The following GNA14 variants were observed in gnomAD, a reference collection of about 807,000 sequenced individuals.
GNA14 encodes G protein subunit alpha 14, also known as guanine nucleotide-binding protein subunit alpha-14.
GNA14 carries 50 observed loss-of-function variants against 42.0 expected under a neutral mutation model. The ratio of observed to expected loss-of-function variants is 1.19; its 90% CI spans 0.95 to 1.51. The LOEUF is 1.51. GNA14 is among the 40% of genes most tolerant of loss of function. GNA14 has a pLI of 0.00. For synonymous variants in GNA14, 173 were observed against 163.1 expected (o/e 1.06, Z -0.46); for missense variants, 473 against 446.2 (o/e 1.06, Z -0.54).
intron 2 of GNA14, among the ~76,000 whole-genome samples, chr9:77,511,062 A>G (rs1354276223): frequency 5.3e-5 from 8 of 151,954 alleles, no homozygotes; most frequent in Non-Finnish European, 8.8e-5. Flanking sequence ...TCCAAAAAAA[A>G]AAAAAAGTTT....
At chr9:77,484,678 C>A (rs1382308720) in intron 2 of GNA14, among the ~76,000 whole-genome samples, 4 of 152,134 alleles carry the variant, frequency 2.6e-5, no homozygotes, top group African/African-American at 9.6e-5. Flanking sequence ...AGTGGACACC[C>A]AAAACCATGG....
intron 1 of GNA14, among the ~76,000 whole-genome samples, chr9:77,558,804 A>G (rs142689846): frequency 6.6e-6 from 1 of 152,182 alleles, no homozygotes; most frequent in Non-Finnish European, 1.5e-5. Flanking sequence ...TGATTTTCCA[A>G]GAAAGACTGC....
intron 1 of GNA14, among the ~76,000 whole-genome samples, chr9:77,530,440 TGG>T (rs2131769224): frequency 6.6e-6 from 1 of 152,338 alleles, no homozygotes; most frequent in Non-Finnish European, 1.5e-5. Flanking sequence ...GTACAGCTTG[TGG>T]AAACGTGAGC....
intron 2 of GNA14, among the ~76,000 whole-genome samples, chr9:77,483,346 G>A (rs1472924029): frequency 6.6e-6 from 1 of 152,200 alleles, no homozygotes; most frequent in East Asian, 1.9e-4. Context: ...CTGGGCATCA[G>A]GAGCAGTGGC....
At position 77,474,945 on chromosome 9, in the gene GNA14, T is replaced by A. The variant is rs192787045; in HGVS notation, c.310-40423A>T. 3.3e-5 allele frequency among the ~76,000 whole-genome samples: 5 copies of A among 152,038 alleles called. No homozygotes were observed. The East Asian group carries it at 9.7e-4, about 29-fold the overall frequency. On this transcript the variant is annotated intron_variant, in intron 2 of 6. Transcript: ENST00000341700. ...CATTTATATGAAATGTCCAGAATGG[T>A]CAAATTCATAGAGACATAAACCGGA...
chr9:77,645,458 A>T (rs1824337753), intron 1 of GNA14, among the ~76,000 whole-genome samples: 1 of 152,226 alleles, frequency 6.6e-6, no homozygotes, highest in South Asian at 2.1e-4. Context: ...TGGAGTTCTG[A>T]ACGGCTCTGT....
chr9:77,541,736 CTTTT>C (rs141526832), intron 1 of GNA14, among the ~76,000 whole-genome samples: 1 of 151,990 alleles, frequency 6.6e-6, no homozygotes, highest in Middle Eastern at 3.4e-3. Context: ...TTTCTTTTTT[CTTTT>C]TTTCTTTATT....
At chr9:77,455,705 C>A (rs1044488249) in intron 2 of GNA14, among the ~76,000 whole-genome samples, 10 of 152,150 alleles carry the variant, frequency 6.6e-5, no homozygotes, top group African/African-American at 1.9e-4. Flanking sequence ...AGTTAAGAAC[C>A]AAGACCCCTT....
At chr9:77,527,525 C>T (rs985130491) in intron 2 of GNA14, among the ~76,000 whole-genome samples, 33 of 152,248 alleles carry the variant, frequency 2.2e-4, no homozygotes, top group African/African-American at 7.9e-4. Flanking sequence ...CTATTGTTAG[C>T]GTTAGTGTGT....
At chr9:77,565,469 T>C (rs1822952996) in intron 1 of GNA14, among the ~76,000 whole-genome samples, 1 of 152,268 alleles carries the variant, frequency 6.6e-6, no homozygotes, top group East Asian at 1.9e-4. Flanking sequence ...TTTTAAACTT[T>C]ATTTTTGAGA....
intron 1 of GNA14, among the ~76,000 whole-genome samples, chr9:77,620,913 A>T (rs138051775): frequency 2.5e-3 from 381 of 151,252 alleles, no homozygotes; most frequent in African/African-American, 9.0e-3. Context: ...TTTAAATAAA[A>T]TTTTTTAAAA....
chr9:77,485,066 CATTG>C (rs2131731661), intron 2 of GNA14, among the ~76,000 whole-genome samples: 1 of 152,260 alleles, frequency 6.6e-6, no homozygotes, highest in African/African-American at 2.4e-5. Context: ...AAGTTTGCCG[CATTG>C]ATTGACTCTT....
intron 1 of GNA14, among the ~76,000 whole-genome samples, chr9:77,559,370 G>A (rs1450062162): frequency 1.3e-5 from 2 of 152,108 alleles, no homozygotes; most frequent in Non-Finnish European, 2.9e-5. Flanking sequence ...GACAATAAAG[G>A]TGCAAGTGAG....
intron 3 of GNA14, among the ~76,000 whole-genome samples, chr9:77,432,130 G>A (rs951562640): frequency 6.6e-6 from 1 of 151,140 alleles, no homozygotes. Flanking sequence ...AAACTTTAAG[G>A]CCTTTCTAAA....
At chr9:77,504,548 AAGAGAGAG>A (rs10559406) in intron 2 of GNA14, among the ~76,000 whole-genome samples, 22 of 145,094 alleles carry the variant, frequency 1.5e-4, no homozygotes, top group South Asian at 2.2e-4. Flanking sequence ...AAAAAAAAAA[AAGAGAGAG>A]AGAGAGAGAG....
chr9:77,468,416 T>C (rs1330512542), intron 2 of GNA14, among the ~76,000 whole-genome samples: 1 of 152,208 alleles, frequency 6.6e-6, no homozygotes, highest in African/African-American at 2.4e-5. Flanking sequence ...TCTTTCCTTT[T>C]AATCAGACAT....
At chr9:77,479,724 A>G (rs564887478) in intron 2 of GNA14, among the ~76,000 whole-genome samples, 1 of 151,946 alleles carries the variant, frequency 6.6e-6, no homozygotes. Context: ...CTTTTATTTC[A>G]TTGAGCAGTG....
At chr9:77,482,617 G>A (rs890857875) in intron 2 of GNA14, among the ~76,000 whole-genome samples, 3 of 152,112 alleles carry the variant, frequency 2.0e-5, no homozygotes, top group African/African-American at 7.2e-5. Context: ...GCTAGATTGG[G>A]GAAGTTCTCC....
chr9:77,606,967 C>T (rs182859242), intron 1 of GNA14, among the ~76,000 whole-genome samples: 1 of 152,132 alleles, frequency 6.6e-6, no homozygotes, highest in East Asian at 1.9e-4. Context: ...AAAATGCAGG[C>T]AATGCAAGCC....
Sources: allele counts gnomAD v4.1 joint callset (sites outside exome capture counted in the v4.1 genomes callset), GRCh38; gene constraint gnomAD v4.1.1; transcripts MANE v1.5; gene names NCBI Gene and HGNC (gene_info 2026-07-23, HGNC 2026-07-21).